ATP6V1B2: variants seen among roughly 807,000 people sequenced by gnomAD.
The protein encoded by ATP6V1B2 is ATPase H+ transporting V1 subunit B2, also known as V-type proton ATPase subunit B, brain isoform.
A neutral mutation model predicts 66.7 loss-of-function variants in ATP6V1B2; 23 were observed. The ratio of observed to expected loss-of-function variants is 0.34; its 90% confidence interval spans 0.25 to 0.49. The LOEUF is 0.49. ATP6V1B2 is among the 20% of genes least tolerant of loss of function. The pLI is 0.99. For synonymous variants in ATP6V1B2, 278 were observed against 236.7 expected (o/e 1.17, Z -1.60); for missense variants, 478 against 650.8 (o/e 0.73, Z 2.89).
rs1233102573 is a variant in ATP6V1B2 at position 20,211,751 on chromosome 8, G to T, written c.703G>T (p.Gly235Cys). Residue 235 changes from glycine to cysteine, a missense_variant and splice_region_variant, in exon 7 of 14, where the codon GGT becomes TGT. This residue lies in a region of ATP6V1B2 where 326 missense variants were observed against 545.6 expected (regional missense o/e 0.60). Transcript: ENST00000276390. ...ENFAIVFAAM[G>C]VNMETARFFK... ...TTTTGCAATTGTATTTGCTGCTATGGGTGTAAGTAGAATTTTTGTTTTAGT... is the reference window on the plus strand; with the variant it reads ...TTTTGCAATTGTATTTGCTGCTATGTGTGTAAGTAGAATTTTTGTTTTAGT... 1 of 1,593,388 alleles carries T rather than the reference G, an allele frequency of 6.3e-7. No individual in the cohort carries two copies. Among genetic ancestry groups the T allele is most frequent in the African/African-American group, 1.4e-5 (1 of 70,838 alleles).
At chr8:20,218,121 T>G in intron 12 of ATP6V1B2, 32 bp from the exon 13 acceptor site, 1 of 1,606,422 alleles carries the variant, frequency 6.2e-7, no homozygotes, top group Non-Finnish European at 8.5e-7. Context: ...TGAGAGCTTC[T>G]CTCTGCTGAT....
At chr8:20,206,600 A>G (rs1020392567) in intron 2 of ATP6V1B2, among the ~76,000 whole-genome samples, 1 of 152,228 alleles carries the variant, frequency 6.6e-6, no homozygotes, top group Non-Finnish European at 1.5e-5. Flanking sequence ...TCATAGAGTG[A>G]GGCCCTGAAG....
chr8:20,198,335 C>T (rs1390696527), intron 1 of ATP6V1B2, among the ~76,000 whole-genome samples: 1 of 152,210 alleles, frequency 6.6e-6, no homozygotes, highest in Non-Finnish European at 1.5e-5. Flanking sequence ...TGGTTGAGTG[C>T]AGGGTTCTTT....
Position 20,211,685 on chromosome 8 carries a change from G to A in ATP6V1B2, c.637G>A (p.Val213Ile), listed in dbSNP as rs2072794619. The A allele has an allele frequency of 1.2e-6, 2 of 1,612,684 alleles. No individual in the cohort carries two copies. The highest frequency in any genetic ancestry group is 1.7e-5 in the Admixed American group (1 of 59,622). Residue 213 changes from valine to isoleucine, a missense_variant, in exon 7 of 14, where the codon GTA (valine) becomes ATA (isoleucine). Val to Ile is a conservative substitution (Grantham distance 29, BLOSUM62 3). Coordinates refer to ENST00000276390, the MANE Select transcript of ATP6V1B2 (RefSeq NM_001693.4). Reference sequence around the variant, plus strand: ...TCAGATCTGTCGCCAGGCTGGTTTGGTAAAGAAATCCAAAGATGTAGTAGA... The same window carrying A: ...TCAGATCTGTCGCCAGGCTGGTTTGATAAAGAAATCCAAAGATGTAGTAGA... ...AAQICRQAGLVKKSKDVVDYS... is the reference protein window; with the variant it reads ...AAQICRQAGLIKKSKDVVDYS...
intron 7 of ATP6V1B2, 30 bp downstream of exon 7, chr8:20,211,783 T>C (rs769843486): frequency 7.8e-6 from 12 of 1,534,898 alleles, no homozygotes; most frequent in Middle Eastern, 1.7e-4. Flanking sequence ...TAGTATGATA[T>C]GTAAAATTTT....
intron 13 of ATP6V1B2, among the ~76,000 whole-genome samples, 186 bp downstream of exon 13, chr8:20,218,468 T>C (rs1428258839): frequency 6.6e-6 from 1 of 152,136 alleles, no homozygotes; most frequent in Admixed American, 6.6e-5. Flanking sequence ...TTGGGAGATC[T>C]TGACTTGATT....
intron 1 of ATP6V1B2, among the ~76,000 whole-genome samples, chr8:20,199,509 A>G (rs1361814904): frequency 3.3e-5 from 5 of 151,932 alleles, no homozygotes; most frequent in African/African-American, 1.2e-4. Context: ...AACTAACAGC[A>G]TTTGAATATC....
chr8:20,219,159 A>G (rs1156881362), intron 13 of ATP6V1B2, among the ~76,000 whole-genome samples: 2 of 152,208 alleles, frequency 1.3e-5, no homozygotes, highest in Non-Finnish European at 2.9e-5. Context: ...TCTTGTTAAA[A>G]TGCAGATTCA....
intron 11 of ATP6V1B2, chr8:20,216,810 T>G (rs924580684): frequency 3.7e-6 from 1 of 269,304 alleles, no homozygotes; most frequent in African/African-American, 2.2e-5. Context: ...AAATGACTTT[T>G]CCATGCCTCT....
At chr8:20,218,105 A>G in intron 12 of ATP6V1B2, 48 bp from the exon 13 acceptor site, 1 of 1,599,400 alleles carries the variant, frequency 6.3e-7, no homozygotes, top group Non-Finnish European at 8.5e-7. Context: ...AGATGACTGA[A>G]CATTTTGAGA....
chr8:20,213,674 C>A (rs2072818741), intron 9 of ATP6V1B2: 1 of 152,018 alleles, frequency 6.6e-6, no homozygotes, highest in Non-Finnish European at 1.5e-5. Flanking sequence ...ATAACAGTTA[C>A]CCCTAGAAGT....
At position 20,220,424 on chromosome 8, in the gene ATP6V1B2, G is replaced by A. The variant is rs372860051; in HGVS notation, c.*22G>A. The stretch of plus-strand genomic sequence containing the variant: ...TTAGCTGCTGCTTCTGCATTGCTCC[G>A]CGCTCTTGTGAAATACTGGTTCTGT... On this transcript the variant is annotated 3_prime_UTR_variant, in exon 14 of 14. Coordinates refer to ENST00000276390, the MANE Select transcript of ATP6V1B2 (RefSeq NM_001693.4). 1.3e-4 allele frequency: 192 copies of A among 1,529,744 alleles called. No homozygotes were observed. The highest frequency in any genetic ancestry group is 1.7e-4 in the Middle Eastern group (1 of 5,786). The allele number at this position is 1,529,744 out of a possible 1,614,324, so 94.8% of individuals were successfully genotyped here.
intron 2 of ATP6V1B2, among the ~76,000 whole-genome samples, chr8:20,207,795 A>C (rs966521831): frequency 4.6e-5 from 7 of 152,060 alleles, no homozygotes; most frequent in Non-Finnish European, 1.0e-4. Flanking sequence ...AAGGAGAGTA[A>C]GAAAAGATAT....
At chr8:20,211,970 T>G in intron 7 of ATP6V1B2, 132 bp from the exon 8 acceptor site, 1 of 913,066 alleles carries the variant, frequency 1.1e-6, no homozygotes, top group Non-Finnish European at 1.6e-6. Context: ...GTTCTGTTGG[T>G]TTTTGTGAAG....
chr8:20,197,493 G>C lies in ATP6V1B2; in HGVS notation c.87G>C (p.Arg29=). The C allele has an allele frequency of 6.7e-7, 1 of 1,500,526 alleles. No homozygotes were observed. Among genetic ancestry groups the C allele is most frequent in the Non-Finnish European group, 8.9e-7 (1 of 1,123,950 alleles). The allele number at this position is 1,500,526 out of a possible 1,614,324, so 93.0% of individuals were successfully genotyped here. The change falls in exon 1 of 14, where the codon CGG becomes CGC. Residue 29 remains arginine (R), a synonymous_variant. Coordinates refer to ENST00000276390, the MANE Select transcript of ATP6V1B2 (RefSeq NM_001693.4). ...VPTGGPAVGA[R]EQALAVSRNY... is the part of the protein sequence containing the mutation. ...CCGGTGGGCCGGCGGTGGGAGCTCGGGAGCAGGCGCTGGCAGTCAGTCGGA... is the reference window on the plus strand; with the variant it reads ...CCGGTGGGCCGGCGGTGGGAGCTCGCGAGCAGGCGCTGGCAGTCAGTCGGA...
At chr8:20,211,424 G>A (rs2128885817) in intron 6 of ATP6V1B2, 108 bp downstream of exon 6, 2 of 1,442,776 alleles carry the variant, frequency 1.4e-6, no homozygotes, top group South Asian at 1.4e-5. Context: ...AATACTCAGT[G>A]TTATTGTTTG....
Position 20,204,498 on chromosome 8 carries a change from T to G in ATP6V1B2, c.151T>G (p.Ser51Ala). 6.2e-7 allele frequency: 1 copy of G among 1,612,996 alleles called. No homozygotes were observed. Among genetic ancestry groups the G allele is most frequent in the Non-Finnish European group, 8.5e-7 (1 of 1,179,080 alleles). Residue 51 changes from serine to alanine, a missense_variant, in exon 2 of 14, where the codon TCT becomes GCT. Ser to Ala is a moderately conservative substitution (Grantham distance 99). Around this residue, in one of 2 missense-constraint regions of ATP6V1B2, gnomAD observed 152 missense variants for 105.2 expected, o/e 1.44. Transcript: ENST00000276390. The stretch of plus-strand genomic sequence containing the variant: ...TTTCTTTCCAGCATACAAGACAGTA[T>G]CTGGAGTCAATGGTCCACTAGTGAT... ...SQPRLTYKTV[S>A]GVNGPLVILD...
intron 9 of ATP6V1B2, 102 bp downstream of exon 9, chr8:20,213,007 A>G: frequency 1.4e-6 from 2 of 1,474,870 alleles, no homozygotes; most frequent in Non-Finnish European, 1.9e-6. Context: ...TTTTAATTCC[A>G]CTGTTCATAT....
chr8:20,218,964 G>T (rs987934982), intron 13 of ATP6V1B2, among the ~76,000 whole-genome samples: 1 of 151,796 alleles, frequency 6.6e-6, no homozygotes, highest in South Asian at 2.1e-4. Flanking sequence ...CATTGTCCCA[G>T]TTAACTCAAG....
Sources: allele counts gnomAD v4.1 joint callset (sites outside exome capture counted in the v4.1 genomes callset), GRCh38; gene constraint gnomAD v4.1.1; regional missense constraint gnomAD v4.1.1; transcripts MANE v1.5; gene names NCBI Gene and HGNC (gene_info 2026-07-23, HGNC 2026-07-21).